Variants in SYNPR observed in about 807,000 individuals in gnomAD.
SYNPR encodes synaptoporin.
Under a neutral mutation model 32.9 loss-of-function variants are expected in SYNPR, and 23 were observed. The observed-to-expected ratio is 0.70, with a 90% CI of 0.50 to 0.99. SYNPR has a LOEUF of 0.99. SYNPR is among the 50% of genes least tolerant of loss of function. SYNPR has a pLI of 0.00. For missense variants in SYNPR, 318 were observed against 349.3 expected (o/e 0.91, Z 0.71); for synonymous variants, 146 against 135.9 (o/e 1.07, Z -0.52).
chr3:63,349,297 T>C (rs2087476377), intron 2 of SYNPR, among the ~76,000 whole-genome samples: 1 of 151,936 alleles, frequency 6.6e-6, no homozygotes, highest in Admixed American at 6.6e-5. Context: ...GAGACGGGTT[T>C]CACCATGTTG....
intron 2 of SYNPR, among the ~76,000 whole-genome samples, chr3:63,437,141 T>C (rs1199400980): frequency 1.4e-5 from 2 of 147,814 alleles, no homozygotes; most frequent in Non-Finnish European, 3.0e-5. Flanking sequence ...CCTCCCAGAG[T>C]GCTGGGATTA....
At chr3:63,515,620 T>A (rs1185385956) in intron 3 of SYNPR, among the ~76,000 whole-genome samples, 1 of 152,096 alleles carries the variant, frequency 6.6e-6, no homozygotes, top group East Asian at 1.9e-4. Flanking sequence ...TGTTTTGGCC[T>A]GAGAAAAAAG....
intron 4 of SYNPR, among the ~76,000 whole-genome samples, chr3:63,587,242 T>G (rs925600524): frequency 9.2e-5 from 14 of 152,270 alleles, no homozygotes; most frequent in East Asian, 1.9e-4. Flanking sequence ...TCACGATCAT[T>G]AATGCAACAG....
At chr3:63,253,387 T>G (rs994439960) in intron 2 of SYNPR, among the ~76,000 whole-genome samples, 1 of 152,188 alleles carries the variant, frequency 6.6e-6, no homozygotes, top group African/African-American at 2.4e-5. Context: ...TTTAAACAAC[T>G]GTAGCATCAT....
intron 2 of SYNPR, among the ~76,000 whole-genome samples, chr3:63,300,331 T>TTCTA (rs59249020): frequency 0.3 from 45,357 of 151,304 alleles, 7,151 homozygotes; most frequent in South Asian, 0.45. Context: ...CATTCTTTGC[T>TTCTA]TCTATCTATC....
At chr3:63,267,446 G>A (rs1055990135) in exon 3 of SYNPR, 1 of 152,242 alleles carries the variant, frequency 6.6e-6, no homozygotes, top group African/African-American at 2.4e-5. Context: ...TCAAAGAGGG[G>A]CAGGTAAGTG....
At chr3:63,234,599 G>A (rs1325585231) in intron 1 of SYNPR, among the ~76,000 whole-genome samples, 1 of 152,194 alleles carries the variant, frequency 6.6e-6, no homozygotes, top group Non-Finnish European at 1.5e-5. Flanking sequence ...GCAAATCTCA[G>A]CTATACAGAA....
chr3:63,204,301 C>T, the SYNPR span, among the ~76,000 whole-genome samples: 1 of 152,182 alleles, frequency 6.6e-6, no homozygotes, highest in African/African-American at 2.4e-5. Context: ...CCTTCTTTGC[C>T]TCTTCCAGCA....
intron 2 of SYNPR, among the ~76,000 whole-genome samples, chr3:63,341,900 G>A (rs2087375115): frequency 6.6e-6 from 1 of 151,992 alleles, no homozygotes; most frequent in African/African-American, 2.4e-5. Context: ...GTCATGGATT[G>A]TGTTTTTGGT....
intron 3 of SYNPR, among the ~76,000 whole-genome samples, chr3:63,526,805 G>A (rs1293048033): frequency 6.6e-6 from 1 of 152,118 alleles, no homozygotes; most frequent in African/African-American, 2.4e-5. Flanking sequence ...GGAAATGAGG[G>A]GAATACTACC....
At chr3:63,519,462 T>C (rs960318393) in intron 3 of SYNPR, among the ~76,000 whole-genome samples, 11 of 152,310 alleles carry the variant, frequency 7.2e-5, no homozygotes, top group African/African-American at 2.6e-4. Context: ...CTGAGTTCCC[T>C]TCTTCGTGAG....
intron 2 of SYNPR, among the ~76,000 whole-genome samples, chr3:63,284,810 G>C (rs1427426358): frequency 1.3e-5 from 2 of 152,164 alleles, no homozygotes; most frequent in Non-Finnish European, 2.9e-5. Context: ...CTCCTAATGA[G>C]AGAAGTAATA....
chr3:63,442,701 C>T (rs1388029587), intron 2 of SYNPR, among the ~76,000 whole-genome samples: 7 of 152,138 alleles, frequency 4.6e-5, no homozygotes, highest in East Asian at 1.9e-4. Flanking sequence ...ACTCCTGTGA[C>T]GAGTGAGCAA....
At chr3:63,244,290 C>T (rs2086269526) in intron 1 of SYNPR, among the ~76,000 whole-genome samples, 1 of 152,044 alleles carries the variant, frequency 6.6e-6, no homozygotes, top group Admixed American at 6.6e-5. Flanking sequence ...TTCCCCTGCT[C>T]TCCCCACTTC....
intron 5 of SYNPR, among the ~76,000 whole-genome samples, chr3:63,610,804 T>C (rs539401384): frequency 9.2e-5 from 14 of 152,342 alleles, no homozygotes; most frequent in African/African-American, 3.4e-4. Flanking sequence ...AATTATGACG[T>C]TCTGCATGGT....
At chr3:63,414,021 TATAGAGAG>T (rs1267195306) in intron 2 of SYNPR, among the ~76,000 whole-genome samples, 2 of 148,660 alleles carry the variant, frequency 1.3e-5, no homozygotes, top group Non-Finnish European at 3.0e-5. Context: ...TATATATATA[TATAGAGAG>T]AGAGAGAGAC....
chr3:63,349,603 A>G (rs1195627248), intron 2 of SYNPR, among the ~76,000 whole-genome samples: 1 of 152,066 alleles, frequency 6.6e-6, no homozygotes, highest in Non-Finnish European at 1.5e-5. Context: ...ATTTTGTTCT[A>G]AGCTTTATTG....
chr3:63,330,451 C>CTT (rs35955925), intron 2 of SYNPR, among the ~76,000 whole-genome samples: 3 of 151,146 alleles, frequency 2.0e-5, no homozygotes, highest in South Asian at 2.1e-4. Context: ...TGTCTCCCCT[C>CTT]TTTTTTTTAT....
chr3:63,220,999 T>A, the SYNPR span, among the ~76,000 whole-genome samples: 2 of 152,204 alleles, frequency 1.3e-5, no homozygotes, highest in Admixed American at 6.5e-5. Flanking sequence ...TCTTTCCCAG[T>A]TGGACCCTGA....
Sources: allele counts gnomAD v4.1 joint callset (sites outside exome capture counted in the v4.1 genomes callset), GRCh38; gene constraint gnomAD v4.1.1; transcripts MANE v1.5; gene names NCBI Gene and HGNC (gene_info 2026-07-23, HGNC 2026-07-21).